Variants in ERC2 observed in about 807,000 individuals in gnomAD.
The protein encoded by ERC2 is ERC protein 2.
Under a neutral mutation model 114.8 loss-of-function variants are expected in ERC2, and 42 were observed. The observed-to-expected ratio is 0.37, with a 90% CI of 0.29 to 0.47. The LOEUF is 0.47. ERC2 is among the 20% of genes least tolerant of loss of function. ERC2 has a pLI of 0.99. For synonymous variants in ERC2, 454 were observed against 425.5 expected, an observed-to-expected ratio of 1.07 and a Z score of -0.82; for missense variants, 939 against 1,150.7, an observed-to-expected ratio of 0.82 and a Z score of 2.66.
intron 14 of ERC2, among the ~76,000 whole-genome samples, chr3:55,814,168 C>G (rs1232274047): frequency 6.6e-6 from 1 of 152,176 alleles, no homozygotes; most frequent in African/African-American, 2.4e-5. Flanking sequence ...AAAACTCTTT[C>G]CAGGAACCTG....
intron 14 of ERC2, among the ~76,000 whole-genome samples, chr3:55,838,909 T>C (rs900200769): frequency 6.6e-6 from 1 of 151,820 alleles, no homozygotes; most frequent in Non-Finnish European, 1.5e-5. Flanking sequence ...ACCAGAATAA[T>C]GTATTAAATA....
At chr3:55,920,649 C>T (rs2065373173) in intron 13 of ERC2, among the ~76,000 whole-genome samples, 1 of 150,736 alleles carries the variant, frequency 6.6e-6, no homozygotes, top group African/African-American at 2.5e-5. Context: ...CTACTTGAAC[C>T]CTTTAGTGCT....
chr3:55,698,529 T>C (rs2063053933), intron 16 of ERC2, among the ~76,000 whole-genome samples: 1 of 152,106 alleles, frequency 6.6e-6, no homozygotes, highest in Non-Finnish European at 1.5e-5. Context: ...CCCTGCCATA[T>C]CCAAAGGAGT....
At chr3:55,742,488 A>T (rs1038494648) in intron 14 of ERC2, among the ~76,000 whole-genome samples, 1 of 152,242 alleles carries the variant, frequency 6.6e-6, no homozygotes, top group African/African-American at 2.4e-5. Flanking sequence ...AATGCATTCA[A>T]TTACAAAAGC....
intron 3 of ERC2, among the ~76,000 whole-genome samples, chr3:56,243,652 T>C (rs2051473738): frequency 6.6e-6 from 1 of 152,222 alleles, no homozygotes; most frequent in Admixed American, 6.5e-5. Context: ...AGGAGGTTTT[T>C]AAATATATTT....
intron 2 of ERC2, among the ~76,000 whole-genome samples, chr3:56,299,745 T>C (rs1179194138): frequency 6.6e-6 from 1 of 152,224 alleles, no homozygotes; most frequent in Non-Finnish European, 1.5e-5. Flanking sequence ...TTAAATATTC[T>C]TGACCATGGC....
chr3:55,694,289 A>G (rs2062819173), intron 16 of ERC2, among the ~76,000 whole-genome samples: 1 of 152,210 alleles, frequency 6.6e-6, no homozygotes, highest in South Asian at 2.1e-4. Context: ...CAATGGGGAT[A>G]CTTCCATCTG....
intron 17 of ERC2, among the ~76,000 whole-genome samples, chr3:55,634,906 C>G (rs1340229401): frequency 1.4e-5 from 2 of 140,170 alleles, no homozygotes; most frequent in African/African-American, 5.2e-5. Flanking sequence ...TTTTTTTTGA[C>G]GAGTCTCACT....
At chr3:56,283,844 TAG>T (rs1199821319) in intron 3 of ERC2, among the ~76,000 whole-genome samples, 1 of 152,192 alleles carries the variant, frequency 6.6e-6, no homozygotes, top group Non-Finnish European at 1.5e-5. Context: ...AAATTAAGCT[TAG>T]AGTGGCAGCT....
chr3:56,095,881 A>C (rs1223715311), intron 6 of ERC2, among the ~76,000 whole-genome samples: 1 of 152,210 alleles, frequency 6.6e-6, no homozygotes, highest in Non-Finnish European at 1.5e-5. Context: ...CTCTTTATCT[A>C]GCATATTAAT....
At chr3:56,248,487 T>C (rs965544398) in intron 3 of ERC2, among the ~76,000 whole-genome samples, 14 of 152,200 alleles carry the variant, frequency 9.2e-5, no homozygotes, top group African/African-American at 2.7e-4. Flanking sequence ...ACATTCAAGA[T>C]CGAATTTTCC....
intron 9 of ERC2, among the ~76,000 whole-genome samples, chr3:56,009,430 A>G (rs1307115942): frequency 6.6e-6 from 1 of 152,192 alleles, no homozygotes; most frequent in African/African-American, 2.4e-5. Flanking sequence ...AACTCCTCTT[A>G]CTCATCCATT....
chr3:56,058,866 C>CTTTA (rs1405797167), intron 7 of ERC2, among the ~76,000 whole-genome samples: 2 of 152,066 alleles, frequency 1.3e-5, no homozygotes, highest in African/African-American at 4.8e-5. Context: ...TTCTTTCTTT[C>CTTTA]TTTCTTTATT....
Position 56,296,342 on chromosome 3 carries a change from C to T in ERC2, c.751G>A (p.Ala251Thr). ...GTCAGCTCGATGGTGAAGTGCTCCG[C>T]TCCTCGGTTGCCACTCTCTTGCTGG... ...LLQQESGNRG[A>T]EHFTIELTEE... Residue 251 changes from alanine (A) to threonine (T), a missense_variant, in exon 3 of 18, where the codon GCG becomes ACG. Transcript: ENST00000288221. 1 of 1,614,036 alleles carries T rather than the reference C, an allele frequency of 6.2e-7. No homozygotes were observed. The highest frequency in any genetic ancestry group is 2.2e-5 in the East Asian group (1 of 44,888).
At chr3:56,049,779 T>A (rs935932657) in intron 7 of ERC2, among the ~76,000 whole-genome samples, 3 of 151,566 alleles carry the variant, frequency 2.0e-5, no homozygotes, top group Non-Finnish European at 4.4e-5. Flanking sequence ...GACCTTGAGA[T>A]AGTATAAGTT....
intron 14 of ERC2, among the ~76,000 whole-genome samples, chr3:55,836,974 G>C (rs2060918765): frequency 6.6e-6 from 1 of 152,066 alleles, no homozygotes; most frequent in South Asian, 2.1e-4. Flanking sequence ...CAAAAGAAGA[G>C]ATTTATGCAG....
intron 15 of ERC2, among the ~76,000 whole-genome samples, chr3:55,703,340 T>C (rs959685744): frequency 6.6e-6 from 1 of 152,184 alleles, no homozygotes; most frequent in African/African-American, 2.4e-5. Flanking sequence ...GGACATGCTG[T>C]TCTCTCTCTC....
chr3:56,023,462 T>G (rs2073850774), intron 7 of ERC2, among the ~76,000 whole-genome samples: 2 of 152,108 alleles, frequency 1.3e-5, no homozygotes, highest in African/African-American at 4.8e-5. Flanking sequence ...TGCCTATCTA[T>G]TTCCTTTTCT....
At chr3:55,901,363 T>G (rs192527470) in intron 13 of ERC2, among the ~76,000 whole-genome samples, 5 of 152,314 alleles carry the variant, frequency 3.3e-5, no homozygotes, top group African/African-American at 1.2e-4. Context: ...AAGGTTGCTA[T>G]CAAGATATTG....
Sources: gnomAD v4.1 joint callset for allele counts (sites outside exome capture counted in the v4.1 genomes callset) on GRCh38, gnomAD v4.1.1 for gene constraint, MANE v1.5 for transcripts, NCBI Gene and HGNC (gene_info 2026-07-23, HGNC 2026-07-21) for gene names.